The following RTL4 variants were observed in gnomAD, a reference collection of about 807,000 sequenced individuals.
RTL4 encodes the protein retrotransposon Gag like 4, also known as retrotransposon Gag-like protein 4.
RTL4 carries 4 observed loss-of-function variants against 5.3 expected under a neutral mutation model. The ratio of observed to expected loss-of-function variants is 0.75; its 90% CI spans 0.37 to 1.72. RTL4 has a LOEUF of 1.72. RTL4 is among the 40% of genes most tolerant of loss of function. The pLI is 0.04. For missense variants in RTL4, 260 were observed against 227.1 expected (o/e 1.14, Z -0.93); for synonymous variants, 98 against 87.3 (o/e 1.12, Z -0.68).
the RTL4 span, among the ~76,000 whole-genome samples, chrX:112,347,189 G>C: frequency 8.9e-6 from 1 of 111,898 alleles, no homozygotes; most frequent in South Asian, 3.7e-4. Context: ...GAGGTGAGGA[G>C]TGAGATAATT....
chrX:112,224,839 A>G, the RTL4 span, among the ~76,000 whole-genome samples: 1 of 111,692 alleles, frequency 9.0e-6, no homozygotes, highest in Non-Finnish European at 1.9e-5. Context: ...ATTTTTATGA[A>G]GCAGGTGGAC....
the RTL4 span, among the ~76,000 whole-genome samples, chrX:112,288,172 ATACT>A: frequency 8.9e-6 from 1 of 112,089 alleles, no homozygotes; most frequent in South Asian, 3.7e-4. Flanking sequence ...AAGGCTGCAA[ATACT>A]TACTCGGAGC....
chrX:112,345,240 C>A, the RTL4 span, among the ~76,000 whole-genome samples: 1 of 111,207 alleles, frequency 9.0e-6, no homozygotes, highest in Non-Finnish European at 1.9e-5. Flanking sequence ...TGCTCTCAAT[C>A]AGCAAGGAGA....
chrX:112,255,636 T>A, the RTL4 span, among the ~76,000 whole-genome samples: 1 of 111,843 alleles, frequency 8.9e-6, no homozygotes, highest in Non-Finnish European at 1.9e-5. Context: ...AACATTTCAA[T>A]ACTGGGCCCA....
the RTL4 span, among the ~76,000 whole-genome samples, chrX:112,164,093 G>T: frequency 1.8e-5 from 2 of 111,805 alleles, no homozygotes; most frequent in African/African-American, 3.3e-5. Flanking sequence ...AAAGTGATTT[G>T]CTCATAGTGA....
At chrX:112,184,791 T>A in the RTL4 span, among the ~76,000 whole-genome samples, 3 of 112,182 alleles carry the variant, frequency 2.7e-5, no homozygotes, top group East Asian at 8.4e-4. Context: ...TAGCCTACAG[T>A]GATTGCCAGA....
At chrX:112,103,375 C>T in the RTL4 span, among the ~76,000 whole-genome samples, 1 of 110,990 alleles carries the variant, frequency 9.0e-6, no homozygotes, top group African/African-American at 3.3e-5. Context: ...ATGATGAGAA[C>T]ACATGAACAC....
At chrX:112,181,080 A>G in the RTL4 span, among the ~76,000 whole-genome samples, 2 of 111,844 alleles carry the variant, frequency 1.8e-5, no homozygotes, top group Non-Finnish European at 3.8e-5. Flanking sequence ...GCAAGGCGTC[A>G]GGGAACTCCC....
At chrX:112,109,859 G>C in the RTL4 span, among the ~76,000 whole-genome samples, 1 of 111,569 alleles carries the variant, frequency 9.0e-6, no homozygotes, top group Non-Finnish European at 1.9e-5. Context: ...CAGTTGTAAT[G>C]TCCTCCCCAG....
the RTL4 span, among the ~76,000 whole-genome samples, chrX:112,436,843 T>A: frequency 8.1e-5 from 9 of 110,464 alleles, no homozygotes; most frequent in East Asian, 2.6e-3. Flanking sequence ...GCTGGAGGAG[T>A]TCCTTACCAA....
At chrX:112,456,304 C>A in exon 1 of RTL4, 1 of 308,715 alleles carries the variant, frequency 3.2e-6, no homozygotes, top group Non-Finnish European at 5.9e-6. Context: ...GCTTTCCCAA[C>A]AAACAGAACC....
At chrX:112,398,642 G>A in the RTL4 span, among the ~76,000 whole-genome samples, 2 of 110,449 alleles carry the variant, frequency 1.8e-5, no homozygotes, top group Admixed American at 9.6e-5. Flanking sequence ...GTCGTGATCC[G>A]CCCGCCTCGG....
At chrX:112,159,365 A>G in the RTL4 span, among the ~76,000 whole-genome samples, 1 of 112,114 alleles carries the variant, frequency 8.9e-6, no homozygotes, top group African/African-American at 3.2e-5. Context: ...AGAGCATGAA[A>G]ATAAGTCCCA....
At chrX:112,368,926 A>G in the RTL4 span, among the ~76,000 whole-genome samples, 2 of 112,717 alleles carry the variant, frequency 1.8e-5, no homozygotes, top group Non-Finnish European at 3.8e-5. Context: ...AACCTAAGTC[A>G]GTTTTCAAGA....
chrX:112,209,688 A>G, the RTL4 span, among the ~76,000 whole-genome samples: 1 of 111,395 alleles, frequency 9.0e-6, no homozygotes, highest in Admixed American at 9.6e-5. Context: ...GATCACGTAT[A>G]TACCACTTCC....
chrX:112,303,472 T>C, the RTL4 span, among the ~76,000 whole-genome samples: 1 of 106,060 alleles, frequency 9.4e-6, no homozygotes, highest in African/African-American at 3.5e-5. Context: ...GTGGATGAAA[T>C]TGGAAATCAT....
chrX:112,296,819 G>A, the RTL4 span, among the ~76,000 whole-genome samples: 30 of 105,729 alleles, frequency 2.8e-4, no homozygotes, highest in South Asian at 2.2e-3. Context: ...GGGTTTCACC[G>A]TGTTAGCCAG....
the RTL4 span, among the ~76,000 whole-genome samples, chrX:112,378,373 A>G: frequency 8.9e-6 from 1 of 111,899 alleles, no homozygotes; most frequent in East Asian, 2.8e-4. Context: ...CACTCTGTCT[A>G]GAAGACAGAT....
the RTL4 span, among the ~76,000 whole-genome samples, chrX:112,169,026 C>CTTTTTCTTTCTTTCTTTCTT: frequency 1.6e-4 from 8 of 49,062 alleles, no homozygotes; most frequent in African/African-American, 6.4e-4. Flanking sequence ...CTTTCTCTTT[C>CTTTTTCTTTCTTTCTTTCTT]TCTTTCTTTC....
Sources: allele counts gnomAD v4.1 joint callset (sites outside exome capture counted in the v4.1 genomes callset), GRCh38; gene constraint gnomAD v4.1.1; transcripts MANE v1.5; gene names NCBI Gene and HGNC (gene_info 2026-07-23, HGNC 2026-07-21).